The following BRD4 variants were observed in gnomAD, a reference collection of about 807,000 sequenced individuals.
BRD4 encodes the protein bromodomain-containing protein 4.
In BRD4, 16 loss-of-function variants were observed where a neutral mutation model predicts 142.1. That is an observed-to-expected ratio of 0.11 (90% CI 0.08 to 0.17). The LOEUF (loss-of-function observed/expected upper bound fraction) is 0.17, where lower values mean the gene tolerates loss of function less well. Among genes scored for constraint, BRD4 ranks in the 10% least tolerant of loss-of-function variants. BRD4 has a pLI of 1.00. For missense variants in BRD4, 1,424 were observed against 1,810.9 expected (o/e 0.79, Z 3.88); for synonymous variants, 833 against 707.5 (o/e 1.18, Z -2.82).
rs1235603275 is a variant in BRD4, at chr19:15,240,048, C to G, written c.3170-26G>C. ...CTAGGAGAAGGGACAAGGAATGTGT[C>G]AAGGGGCTGGCTTAGAACTGCTGGC... On this transcript the variant is annotated intron_variant, in intron 14 of 19. Coordinates refer to ENST00000679869, the MANE Select transcript of BRD4 (RefSeq NM_001379291.1). 4 of 1,592,432 alleles carry G rather than the reference C, an allele frequency of 2.5e-6. No individual in the cohort carries two copies. The African/African-American group carries it at 5.4e-5, about 21-fold the overall frequency.
Position 15,237,754 on chromosome 19 carries a change from C to G in BRD4, c.*623G>C, listed in dbSNP as rs199524751. 2 of 232,956 alleles carry G rather than the reference C, an allele frequency of 8.6e-6. No individual in the cohort carries two copies. Among genetic ancestry groups the G allele is most frequent in the Non-Finnish European group, 8.5e-6 (1 of 117,878 alleles). The allele number at this position is 232,956 out of a possible 1,614,324, so 14.4% of individuals were successfully genotyped here. A position where few individuals can be genotyped will look rare whatever the true frequency, so the allele number is the denominator to read the frequency against. On this transcript the variant is annotated 3_prime_UTR_variant, in exon 20 of 20. Transcript: ENST00000679869. ...TCGCTCCGGATGCCATGGACACACA[C>G]ACCTCCACGGCACTATTCCCTTTTG...
At chr19:15,244,930 G>A (rs571535002) in intron 11 of BRD4, 168 bp from the exon 12 acceptor site, 3 of 1,221,226 alleles carry the variant, frequency 2.5e-6, no homozygotes, top group Non-Finnish European at 3.4e-6. Context: ...GGGAGAGGGA[G>A]AGACATGCGA....
At chr19:15,329,415 A>G (rs570866781) in intron 1 of BRD4, among the ~76,000 whole-genome samples, 58 of 152,338 alleles carry the variant, frequency 3.8e-4, no homozygotes, top group African/African-American at 1.3e-3. Context: ...AGGGTCTTCA[A>G]ATCACTGAGG....
At chr19:15,314,916 T>G (rs139890596) in intron 1 of BRD4, among the ~76,000 whole-genome samples, 2 of 152,134 alleles carry the variant, frequency 1.3e-5, no homozygotes, top group African/African-American at 2.4e-5. Flanking sequence ...TTTGGGGGGA[T>G]GTCTGGAAGA....
intron 1 of BRD4, among the ~76,000 whole-genome samples, chr19:15,298,540 G>C (rs967066094): frequency 3.5e-5 from 5 of 143,260 alleles, no homozygotes; most frequent in African/African-American, 1.3e-4. Context: ...AGAATCACTT[G>C]AACCCGGGGG....
At chr19:15,256,397 G>T in intron 8 of BRD4, 134 bp from the exon 9 acceptor site, 1 of 1,140,470 alleles carries the variant, frequency 8.8e-7, no homozygotes, top group Non-Finnish European at 1.2e-6. Context: ...AGGGGAGGCA[G>T]GGGAAGGGAA....
rs201062276 is a variant in BRD4, at chr19:15,244,542, G to A, written c.2270C>T (p.Pro757Leu). 1.4e-5 allele frequency: 22 copies of A among 1,591,534 alleles called. No individual in the cohort carries two copies. The East Asian group carries it at 1.8e-4, about 13-fold the overall frequency. Reference protein sequence around the residue: ...QQAPAPVPQQPPPPPQQPPPP... With the variant: ...QQAPAPVPQQLPPPPQQPPPP... ...TGGGGGCTGCTGGGGAGGCGGGGGCGGCTGCTGGGGCACAGGAGCCGGGGC... is the reference window on the plus strand; with the variant it reads ...TGGGGGCTGCTGGGGAGGCGGGGGCAGCTGCTGGGGCACAGGAGCCGGGGC... The change falls in exon 13 of 20, where the codon CCG becomes CTG. Residue 757 changes from proline to leucine, a missense_variant. By Grantham distance (98) the Pro-to-Leu change is moderately conservative. Coordinates refer to ENST00000679869, the MANE Select transcript of BRD4 (RefSeq NM_001379291.1).
At chr19:15,249,397 G>C (rs2145539856) in intron 11 of BRD4, 1 of 1,581,034 alleles carries the variant, frequency 6.3e-7, no homozygotes, top group Non-Finnish European at 8.6e-7. Flanking sequence ...CTGCGCCCTG[G>C]TGGCTGATGG....
chr19:15,264,383 C>T (rs748049262), intron 6 of BRD4, 21 bp downstream of exon 6: 1 of 1,574,324 alleles, frequency 6.4e-7, no homozygotes, highest in Non-Finnish European at 8.7e-7. Flanking sequence ...TTGTCCCTTC[C>T]CTCAGGCACA....
chr19:15,250,597 CGACCA>C (rs1445572033), intron 11 of BRD4, among the ~76,000 whole-genome samples: 1 of 152,190 alleles, frequency 6.6e-6, no homozygotes, highest in Non-Finnish European at 1.5e-5. Flanking sequence ...TCCAACTAGA[CGACCA>C]GACCAAAGCC....
At chr19:15,291,127 C>T (rs1036083555) in intron 1 of BRD4, among the ~76,000 whole-genome samples, 1 of 152,158 alleles carries the variant, frequency 6.6e-6, no homozygotes, top group Non-Finnish European at 1.5e-5. Flanking sequence ...GTCTACTGGG[C>T]CTGCTCCTGA....
At chr19:15,270,913 GCCA>G (rs1322496331) in intron 2 of BRD4, among the ~76,000 whole-genome samples, 4 of 152,088 alleles carry the variant, frequency 2.6e-5, no homozygotes, top group Admixed American at 6.5e-5. Context: ...TCAGATCAGG[GCCA>G]CCATGGATCA....
intron 1 of BRD4, among the ~76,000 whole-genome samples, chr19:15,305,082 G>T (rs142004578): frequency 6.9e-6 from 1 of 144,602 alleles, no homozygotes; most frequent in East Asian, 2.0e-4. Flanking sequence ...GCAATGGCGC[G>T]ATCTCAGCAC....
intron 2 of BRD4, among the ~76,000 whole-genome samples, chr19:15,270,065 C>T (rs904448873): frequency 6.6e-6 from 1 of 152,228 alleles, no homozygotes; most frequent in African/African-American, 2.4e-5. Context: ...TCTGAGTCAT[C>T]ACTCTGACTG....
rs2047208535 is a variant in BRD4, at chr19:15,238,125, CG to C, written c.*251del. 3.8e-6 allele frequency: 2 copies of C among 531,784 alleles called. No homozygotes were observed. Among genetic ancestry groups the C allele is most frequent in the Admixed American group, 3.4e-5 (1 of 29,230 alleles). The allele number at this position is 531,784 out of a possible 1,614,324, so 32.9% of individuals were successfully genotyped here. ...GGCTTGGGTCCAGCCGGCACTTGCTCGTAACAAGGCGTGTGCTGAGCGGACG... is the reference window on the plus strand; with the variant it reads ...GGCTTGGGTCCAGCCGGCACTTGCTCTAACAAGGCGTGTGCTGAGCGGACG... On this transcript the variant is annotated 3_prime_UTR_variant, in exon 20 of 20. Coordinates refer to ENST00000679869, the MANE Select transcript of BRD4 (RefSeq NM_001379291.1). The surrounding 1 kb of genome is among the most constrained non-coding windows in gnomAD (Gnocchi z 7.2).
At chr19:15,241,805 CTTTTTTTTTTT>C (rs906788611) in intron 14 of BRD4, among the ~76,000 whole-genome samples, 12 of 104,320 alleles carry the variant, frequency 1.2e-4, no homozygotes, top group Admixed American at 2.0e-4. Context: ...TGGCACCTGA[CTTTTTTTTTTT>C]TTTTTTTTTT....
At chr19:15,256,394 G>A (rs2047409245) in intron 8 of BRD4, 131 bp from the exon 9 acceptor site, 2 of 1,149,340 alleles carry the variant, frequency 1.7e-6, no homozygotes, top group Admixed American at 4.6e-5. Context: ...CATAGGGGAG[G>A]CAGGGGAAGG....
intron 7 of BRD4, among the ~76,000 whole-genome samples, chr19:15,258,161 G>C (rs1386620805): frequency 6.6e-6 from 1 of 152,158 alleles, no homozygotes. Context: ...TCCCCCAAAT[G>C]TGTGTCAGTG....
At chr19:15,288,079 CCTT>C (rs2047753698) in intron 1 of BRD4, among the ~76,000 whole-genome samples, 1 of 152,090 alleles carries the variant, frequency 6.6e-6, no homozygotes, top group South Asian at 2.1e-4. Flanking sequence ...GAATTTCATT[CCTT>C]CTTAAGGCTG....
Sources: allele counts gnomAD v4.1 joint callset (sites outside exome capture counted in the v4.1 genomes callset), GRCh38; gene constraint gnomAD v4.1.1; non-coding constraint Gnocchi (gnomAD v3.1); transcripts MANE v1.5; gene names NCBI Gene and HGNC (gene_info 2026-07-23, HGNC 2026-07-21).